The following ZNF462 variants were observed in gnomAD, a reference collection of about 807,000 sequenced individuals.
ZNF462 encodes zinc finger protein 462, also known as zinc finger PBX1-interacting protein.
In ZNF462, 10 loss-of-function variants were observed where a neutral mutation model predicts 201.9. The observed-to-expected ratio is 0.05, with a 90% CI of 0.03 to 0.08. The LOEUF is 0.08. ZNF462 is among the 10% of genes least tolerant of loss of function. ZNF462 has a pLI of 1.00. For synonymous variants in ZNF462, 1,227 were observed against 1,193.3 expected (o/e 1.03, Z -0.58); for missense variants, 2,523 against 3,168.3 (o/e 0.80, Z 4.89).
chr9:106,929,517 C>A lies in ZNF462; in HGVS notation c.5605C>A (p.His1869Asn), dbSNP rs1348185503. 1 of 1,614,146 alleles carries A rather than the reference C, an allele frequency of 6.2e-7. No homozygotes were observed. Among genetic ancestry groups the A allele is most frequent in the Non-Finnish European group, 8.5e-7 (1 of 1,180,040 alleles). ...AELLCMHYTD[H>N]HSRDLKRDFI... The stretch of plus-strand genomic sequence containing the variant: ...GCTGCTGTGCATGCATTACACTGAC[C>A]ACCACAGTCGGGACCTAAAGAGGGA... The change falls in exon 3 of 13, where the codon CAC (histidine) becomes AAC (asparagine). Residue 1869 changes from histidine to asparagine, a missense_variant. By Grantham distance (68) the His-to-Asn change is moderately conservative (BLOSUM62 1). Around this residue, in one of 15 missense-constraint regions of ZNF462, gnomAD observed 207 missense variants for 231.6 expected, o/e 0.89. Transcript: ENST00000277225. The surrounding 1 kb of genome is among the most constrained non-coding windows in gnomAD (Gnocchi z 8.7).
rs185896143 is a variant in ZNF462 at position 106,924,099 on chromosome 9, T to C, written c.221-34T>C. ...CATGATTGGATATTTTAATTATCTT[T>C]TGCTTTGTCACTTTCCTTATGCTTT... On this transcript the variant is annotated intron_variant, in intron 2 of 12. Coordinates refer to ENST00000277225, the MANE Select transcript of ZNF462 (RefSeq NM_021224.6). The surrounding 1 kb of genome is among the most constrained non-coding windows in gnomAD (Gnocchi z 6.2). 10 of 1,511,470 alleles carry C rather than the reference T, an allele frequency of 6.6e-6. No individual in the cohort carries two copies. The highest frequency in any genetic ancestry group is 2.0e-5 in the Admixed American group (1 of 48,818). 93.6% of individuals were successfully genotyped at this position (1,511,470 alleles called of 1,614,324 possible).
At chr9:106,949,250 G>A (rs1224240654) in intron 7 of ZNF462, among the ~76,000 whole-genome samples, 1 of 152,088 alleles carries the variant, frequency 6.6e-6, no homozygotes, top group South Asian at 2.1e-4. Flanking sequence ...TGTGCTCTCC[G>A]AGGTCAGGGA....
At chr9:106,864,095 T>TCTCTCC (rs1827205888) in intron 1 of ZNF462, among the ~76,000 whole-genome samples, 6 of 113,642 alleles carry the variant, frequency 5.3e-5, no homozygotes, top group African/African-American at 2.1e-4. Flanking sequence ...TCTCTCTCTC[T>TCTCTCC]CTCTCTCTCT....
At chr9:106,964,107 A>G (rs895744928) in intron 7 of ZNF462, among the ~76,000 whole-genome samples, 1 of 151,588 alleles carries the variant, frequency 6.6e-6, no homozygotes, top group Non-Finnish European at 1.5e-5. Context: ...CCTCCTGGCT[A>G]TTGTAACTAA....
rs865983976 is a variant in ZNF462 at position 106,981,367 on chromosome 9, G to A, written c.6833-2819G>A. ...ACAGACTGGAGAGTTCTTATCAGGG[G>A]TCCAAGAGGAGGGCCCTGGCAGAGA... On this transcript the variant is annotated intron_variant, in intron 9 of 12. Coordinates refer to ENST00000277225, the MANE Select transcript of ZNF462 (RefSeq NM_021224.6). The surrounding 1 kb of genome is among the most constrained non-coding windows in gnomAD (Gnocchi z 4.0). 1.1e-4 allele frequency among the ~76,000 whole-genome samples: 17 copies of A among 152,156 alleles called. No homozygotes were observed. Among genetic ancestry groups the A allele is most frequent in the Admixed American group, 2.0e-4 (3 of 15,276 alleles).
intron 7 of ZNF462, among the ~76,000 whole-genome samples, chr9:106,953,528 A>G (rs1000409404): frequency 6.6e-6 from 1 of 151,998 alleles, no homozygotes; most frequent in African/African-American, 2.4e-5. Context: ...TGGTCTTGCT[A>G]TGTGTTTCAG....
At chr9:106,957,401 C>G (rs1432024781) in intron 7 of ZNF462, among the ~76,000 whole-genome samples, 2 of 152,102 alleles carry the variant, frequency 1.3e-5, no homozygotes, top group Non-Finnish European at 2.9e-5. Context: ...CATCAAAGAT[C>G]ACACATCACC....
chr9:106,948,627 A>T (rs1045825094), intron 7 of ZNF462, among the ~76,000 whole-genome samples: 4 of 151,896 alleles, frequency 2.6e-5, no homozygotes, highest in Admixed American at 6.6e-5. Flanking sequence ...TATTTGTTCT[A>T]TGAGTATACA....
chr9:106,863,538 G>A (rs1827148573), intron 1 of ZNF462, among the ~76,000 whole-genome samples, 183 bp downstream of exon 1: 1 of 150,460 alleles, frequency 6.6e-6, no homozygotes, highest in African/African-American at 2.4e-5. Flanking sequence ...AGAGAGAAGA[G>A]GAGGAGGGGG....
rs2131487978 is a variant in ZNF462, at chr9:106,927,569, C to T, written c.3657C>T (p.Phe1219=). The change falls in exon 3 of 13, where the codon TTC becomes TTT. Residue 1219 remains phenylalanine, a synonymous_variant. Transcript: ENST00000277225. Reference sequence around the variant, plus strand: ...ATTATCAGAAGAAGCACCGAGACTTCAAGGCCAATGCAGATGTGATCCGGC... The same window carrying T: ...ATTATCAGAAGAAGCACCGAGACTTTAAGGCCAATGCAGATGTGATCCGGC... ...LIHYQKKHRD[F]KANADVIRQH... 1 of 1,613,934 alleles carries T rather than the reference C, an allele frequency of 6.2e-7. No individual in the cohort carries two copies. Among genetic ancestry groups the T allele is most frequent in the Non-Finnish European group, 8.5e-7 (1 of 1,179,934 alleles).
At position 106,938,376 on chromosome 9, in the gene ZNF462, A is replaced by T. The variant is rs1186775414; in HGVS notation, c.6236-540A>T. 2.6e-5 allele frequency among the ~76,000 whole-genome samples: 4 copies of T among 152,172 alleles called. No homozygotes were observed. Among genetic ancestry groups the T allele is most frequent in the African/African-American group, 9.7e-5 (4 of 41,424 alleles). On this transcript the variant is annotated intron_variant, in intron 6 of 12. Coordinates refer to ENST00000277225, the MANE Select transcript of ZNF462 (RefSeq NM_021224.6). This position sits in a 1 kb window ranked among gnomAD's most constrained non-coding sequence, Gnocchi z 4.4. ...GCTGAGGTTTATGAACTGGTCCAAA[A>T]ATATATATATGTGGGATGAGAATGT... is the stretch of plus-strand genomic sequence containing the variant.
rs887463626 is a variant in ZNF462, at chr9:106,880,012, G to T, written c.-31+16657G>T. 3.3e-5 allele frequency among the ~76,000 whole-genome samples: 5 copies of T among 152,134 alleles called. No homozygotes were observed. Among genetic ancestry groups the T allele is most frequent in the Non-Finnish European group, 7.4e-5 (5 of 68,026 alleles). ...GGAATCGTGGATCCTTGTAGCAGTTGAACATGATAGTTGAATTGTTTCTAA... is the reference window on the plus strand; with the variant it reads ...GGAATCGTGGATCCTTGTAGCAGTTTAACATGATAGTTGAATTGTTTCTAA... On this transcript the variant is annotated intron_variant, in intron 1 of 12. Coordinates refer to ENST00000277225, the MANE Select transcript of ZNF462 (RefSeq NM_021224.6). This position sits in a 1 kb window ranked among gnomAD's most constrained non-coding sequence, Gnocchi z 4.1.
Position 106,984,432 on chromosome 9 carries a change from C to T in ZNF462, c.7056+23C>T, listed in dbSNP as rs374572198. 6.3e-7 allele frequency: 1 copy of T among 1,589,814 alleles called. No individual in the cohort carries two copies. The highest frequency in any genetic ancestry group is 1.3e-5 in the African/African-American group (1 of 74,454). On this transcript the variant is annotated intron_variant, in intron 10 of 12. Transcript: ENST00000277225. This position sits in a 1 kb window ranked among gnomAD's most constrained non-coding sequence, Gnocchi z 6.4. ...AAGGTACTTACCAGGACTTCCTGCT[C>T]CCGCCTCAGCACACTTGTGGGGAGG...
intron 1 of ZNF462, among the ~76,000 whole-genome samples, chr9:106,871,191 A>G (rs1051982741): frequency 6.6e-6 from 1 of 152,260 alleles, no homozygotes; most frequent in Non-Finnish European, 1.5e-5. Context: ...TTTCTAAACC[A>G]TCTCATTTCT....
intron 1 of ZNF462, among the ~76,000 whole-genome samples, chr9:106,907,434 T>C (rs556079537): frequency 2.8e-3 from 408 of 144,130 alleles, no homozygotes; most frequent in Non-Finnish European, 3.8e-3. Context: ...TGATATTGTT[T>C]CTTCTTGGAT....
chr9:106,860,778 G>A (rs1244977692), upstream of ZNF462, among the ~76,000 whole-genome samples: 43 of 152,162 alleles, frequency 2.8e-4, no homozygotes, highest in Non-Finnish European at 1.0e-4. This position sits in a 1 kb window ranked among gnomAD's most constrained non-coding sequence, Gnocchi z 7.1. Context: ...GGTGGCGGCG[G>A]CCAGCGCTCA....
At chr9:106,998,353 C>T (rs1828900977) in intron 10 of ZNF462, among the ~76,000 whole-genome samples, 1 of 152,162 alleles carries the variant, frequency 6.6e-6, no homozygotes, top group Admixed American at 6.5e-5. Context: ...TATCAGTCTT[C>T]TATCAGACTG....
chr9:106,926,679 C>T lies in ZNF462; in HGVS notation c.2767C>T (p.Leu923=), dbSNP rs761356969. The T allele has an allele frequency of 5.0e-6, 8 of 1,613,978 alleles. No homozygotes were observed. Among genetic ancestry groups the T allele is most frequent in the African/African-American group, 2.7e-5 (2 of 74,898 alleles). ...MNVLNFDHSD[L]IYRCRFCSYT... ...TGTACTCAACTTTGATCACTCGGACCTGATCTACCGGTGTCGGTTTTGTTC... is the reference window on the plus strand; with the variant it reads ...TGTACTCAACTTTGATCACTCGGACTTGATCTACCGGTGTCGGTTTTGTTC... The change falls in exon 3 of 13, where the codon CTG becomes TTG. Residue 923 remains leucine, a synonymous_variant. Transcript: ENST00000277225. The surrounding 1 kb of genome is among the most constrained non-coding windows in gnomAD (Gnocchi z 7.9).
intron 1 of ZNF462, among the ~76,000 whole-genome samples, chr9:106,888,080 C>G (rs1035203158): frequency 6.7e-6 from 1 of 148,190 alleles, no homozygotes; most frequent in Non-Finnish European, 1.5e-5. Flanking sequence ...CTCCCTCTGT[C>G]GCTCAGGCTG....
Sources: gnomAD v4.1 joint callset for allele counts (sites outside exome capture counted in the v4.1 genomes callset) on GRCh38, gnomAD v4.1.1 for gene constraint, gnomAD v4.1.1 regional missense constraint, Gnocchi (gnomAD v3.1) non-coding constraint, MANE v1.5 for transcripts, NCBI Gene and HGNC (gene_info 2026-07-23, HGNC 2026-07-21) for gene names.